The following TMEM132D variants were observed in gnomAD, a reference collection of about 807,000 sequenced individuals.
TMEM132D encodes the protein mature OL transmembrane protein.
In TMEM132D, 21 loss-of-function variants were observed where a neutral mutation model predicts 62.3. The observed-to-expected ratio is 0.34, with a 90% confidence interval of 0.24 to 0.49. TMEM132D has a LOEUF of 0.49. Among genes scored for constraint, TMEM132D ranks in the 20% least tolerant of loss-of-function variants. TMEM132D has a pLI of 0.99. For missense variants in TMEM132D, 1,346 were observed against 1,402.8 expected, an observed-to-expected ratio of 0.96 and a Z score of 0.65; for synonymous variants, 621 against 575.6, an observed-to-expected ratio of 1.08 and a Z score of -1.13.
chr12:129,708,624 A>AAC (rs1299760009), intron 1 of TMEM132D, among the ~76,000 whole-genome samples: 30 of 90,324 alleles, frequency 3.3e-4, no homozygotes, highest in African/African-American at 1.3e-3. Context: ...AAAAAAAAAA[A>AAC]AAAAAAACAC....
At chr12:129,334,176 G>T (rs1361861368) in intron 4 of TMEM132D, among the ~76,000 whole-genome samples, 1 of 152,054 alleles carries the variant, frequency 6.6e-6, no homozygotes, top group African/African-American at 2.4e-5. Flanking sequence ...TGCCTTAACT[G>T]CCTTTTAAAT....
At chr12:129,249,847 A>C (rs1416006168) in intron 4 of TMEM132D, among the ~76,000 whole-genome samples, 1 of 152,206 alleles carries the variant, frequency 6.6e-6, no homozygotes, top group Non-Finnish European at 1.5e-5. Context: ...CAGACGGCAC[A>C]CTCAGGATAA....
At chr12:129,432,368 T>C (rs1345485304) in intron 3 of TMEM132D, among the ~76,000 whole-genome samples, 4 of 152,128 alleles carry the variant, frequency 2.6e-5, no homozygotes, top group Non-Finnish European at 5.9e-5. Context: ...GATGGGTGGA[T>C]GGATTTTATT....
chr12:129,444,309 C>T (rs146304093), intron 3 of TMEM132D, among the ~76,000 whole-genome samples: 377 of 152,230 alleles, frequency 2.5e-3, no homozygotes, highest in Admixed American at 0.012. Context: ...AAACTACCAG[C>T]AGAGTAAACA....
chr12:129,533,562 A>G (rs1876290103), intron 2 of TMEM132D, among the ~76,000 whole-genome samples: 2 of 152,224 alleles, frequency 1.3e-5, no homozygotes, highest in African/African-American at 4.8e-5. Context: ...TCTGATATAT[A>G]ATGGGCTTAT....
At chr12:129,850,615 T>TA (rs1873508700) in intron 1 of TMEM132D, among the ~76,000 whole-genome samples, 1 of 152,182 alleles carries the variant, frequency 6.6e-6, no homozygotes. Flanking sequence ...GGACAGGGTA[T>TA]TTTATACATA....
intron 2 of TMEM132D, among the ~76,000 whole-genome samples, chr12:129,599,568 A>G (rs1878433019): frequency 6.6e-6 from 1 of 152,208 alleles, no homozygotes; most frequent in South Asian, 2.1e-4. Context: ...ACTGTCATGA[A>G]TCAGTGGGAT....
chr12:129,884,849 A>C (rs980428731), intron 1 of TMEM132D, among the ~76,000 whole-genome samples: 4 of 152,268 alleles, frequency 2.6e-5, no homozygotes, highest in African/African-American at 9.6e-5. Flanking sequence ...GGTTTCATTC[A>C]TAACAACCAA....
chr12:129,472,437 T>C lies in TMEM132D; in HGVS notation c.1115+58622A>G, dbSNP rs1383858195. Among the ~76,000 whole-genome samples, 3 of 151,724 alleles carry C rather than the reference T, an allele frequency of 2.0e-5. 1 individual carries two copies. In the South Asian group the frequency reaches 6.2e-4, roughly 32 times the overall value. On this transcript the variant is annotated intron_variant, in intron 3 of 8. Coordinates refer to ENST00000422113, the MANE Select transcript of TMEM132D (RefSeq NM_133448.3). ...TCACATACTGGGGCCTGTCGTTGGG[T>C]TGGGGGGACGGGGAGGGAGAGAATT...
At chr12:129,427,736 A>T (rs77465269) in intron 3 of TMEM132D, among the ~76,000 whole-genome samples, 14,663 of 144,348 alleles carry the variant, frequency 0.1, 950 homozygotes, top group Non-Finnish European at 0.15. Flanking sequence ...GAGGAAAATT[A>T]AAAAAAAACA....
At chr12:129,796,486 C>T (rs1871565684) in intron 1 of TMEM132D, among the ~76,000 whole-genome samples, 1 of 152,072 alleles carries the variant, frequency 6.6e-6, no homozygotes, top group African/African-American at 2.4e-5. Flanking sequence ...GTTACATAGG[C>T]AAACTCCTGT....
chr12:129,765,931 T>C (rs1870537880), intron 1 of TMEM132D, among the ~76,000 whole-genome samples: 1 of 152,184 alleles, frequency 6.6e-6, no homozygotes, highest in African/African-American at 2.4e-5. Flanking sequence ...TGCTCACCAG[T>C]GTCTGCTTTC....
chr12:129,644,628 G>C (rs191357437), intron 2 of TMEM132D, among the ~76,000 whole-genome samples: 3 of 152,110 alleles, frequency 2.0e-5, no homozygotes, highest in Admixed American at 2.0e-4. Context: ...GTAACCATCA[G>C]ACACAGTATA....
At chr12:129,722,477 A>T (rs1436382340) in intron 1 of TMEM132D, among the ~76,000 whole-genome samples, 1 of 152,176 alleles carries the variant, frequency 6.6e-6, no homozygotes, top group African/African-American at 2.4e-5. Context: ...AACACTGAAC[A>T]TCTTCTTGGA....
intron 2 of TMEM132D, among the ~76,000 whole-genome samples, chr12:129,686,984 G>A (rs1024379315): frequency 1.3e-5 from 2 of 152,118 alleles, no homozygotes; most frequent in South Asian, 2.1e-4. Context: ...ATCTCACTGC[G>A]CTAGCCTCCT....
chr12:129,099,790 G>T (rs1875233505), intron 5 of TMEM132D, among the ~76,000 whole-genome samples: 1 of 151,982 alleles, frequency 6.6e-6, no homozygotes, highest in Non-Finnish European at 1.5e-5. Flanking sequence ...TTAAAAGTGG[G>T]AGCGAAACCC....
chr12:129,807,630 C>T (rs556282106), intron 1 of TMEM132D, among the ~76,000 whole-genome samples: 63 of 152,276 alleles, frequency 4.1e-4, no homozygotes, highest in South Asian at 1.2e-3. Context: ...AGAGACGATG[C>T]GTTGATTGTT....
intron 2 of TMEM132D, among the ~76,000 whole-genome samples, chr12:129,627,060 G>T (rs544565006): frequency 6.6e-6 from 1 of 152,280 alleles, no homozygotes; most frequent in Admixed American, 6.5e-5. Flanking sequence ...TAGTGTGACA[G>T]GATCAAGCCA....
intron 4 of TMEM132D, among the ~76,000 whole-genome samples, chr12:129,259,481 T>C (rs1478414629): frequency 6.6e-6 from 1 of 152,078 alleles, no homozygotes; most frequent in Non-Finnish European, 1.5e-5. Flanking sequence ...GTGCAGAAGA[T>C]GAAGTTGGAA....
Sources: allele counts gnomAD v4.1 joint callset (sites outside exome capture counted in the v4.1 genomes callset), GRCh38; gene constraint gnomAD v4.1.1; transcripts MANE v1.5; gene names NCBI Gene and HGNC (gene_info 2026-07-23, HGNC 2026-07-21).